Variants in CA13 observed in about 807,000 individuals in gnomAD.
CA13 encodes CA-XIII.
Under a neutral mutation model 31.5 loss-of-function variants are expected in CA13, and 21 were observed. The ratio of observed to expected loss-of-function variants is 0.67; its 90% CI spans 0.47 to 0.96. CA13 has a LOEUF of 0.96. Among genes scored for constraint, CA13 ranks in the 40% least tolerant of loss-of-function variants. The pLI is 0.00. For missense variants in CA13, 315 were observed against 318.9 expected (o/e 0.99, Z 0.09); for synonymous variants, 117 against 111.4 (o/e 1.05, Z -0.32).
intron 2 of CA13, among the ~76,000 whole-genome samples, chr8:85,257,775 C>T (rs1394185404): frequency 3.4e-5 from 5 of 148,766 alleles, no homozygotes; most frequent in Non-Finnish European, 7.4e-5. Flanking sequence ...CAAGTGAGCA[C>T]TTTTGGCTAA....
chr8:85,269,871 G>C (rs1437790989), intron 6 of CA13, among the ~76,000 whole-genome samples: 1 of 152,054 alleles, frequency 6.6e-6, no homozygotes, highest in Non-Finnish European at 1.5e-5. Flanking sequence ...ACCATGCCTG[G>C]CTTATTTTTT....
chr8:85,279,472 C>A lies in CA13; in HGVS notation c.670-1758C>A, dbSNP rs142612496. ...TAAGGGGAAGGGGTTTGGCGAGATA[C>A]CAGGACAGGTCTAGGGACTCTTACC... On this transcript the variant is annotated intron_variant, in intron 6 of 6. Transcript: ENST00000321764. Among the ~76,000 whole-genome samples the A allele has an allele frequency of 1.7e-4, 26 of 152,230 alleles. No individual in the cohort carries two copies. In the East Asian group the frequency reaches 3.9e-3, roughly 23 times the overall value.
At chr8:85,278,464 G>T (rs900160827) in intron 6 of CA13, among the ~76,000 whole-genome samples, 2 of 152,154 alleles carry the variant, frequency 1.3e-5, no homozygotes, top group Non-Finnish European at 2.9e-5. Context: ...ATCTAGGAAG[G>T]TTAGTTAGAA....
At chr8:85,255,814 G>C (rs1373933979) in intron 2 of CA13, among the ~76,000 whole-genome samples, 2 of 152,148 alleles carry the variant, frequency 1.3e-5, no homozygotes, top group Non-Finnish European at 1.5e-5. Context: ...TCGCTGCTTT[G>C]GGAACCTCAC....
rs140245677 is a variant in CA13, at chr8:85,280,423, G to C, written c.670-807G>C. ...AAGGACCTCTCTCTCCTCTGCCCCC[G>C]TCCTGGTTAGTACTGTACAAGAAAC... On this transcript the variant is annotated intron_variant, in intron 6 of 6. Coordinates refer to ENST00000321764, the MANE Select transcript of CA13 (RefSeq NM_198584.3). Among the ~76,000 whole-genome samples, 69 of 152,212 alleles carry C rather than the reference G, an allele frequency of 4.5e-4. No individual in the cohort carries two copies. The Middle Eastern group carries it at 0.014, about 30-fold the overall frequency.
At chr8:85,260,716 A>G (rs1344479346) in intron 3 of CA13, among the ~76,000 whole-genome samples, 1 of 152,202 alleles carries the variant, frequency 6.6e-6, no homozygotes, top group African/African-American at 2.4e-5. Flanking sequence ...AGAAAGTGGG[A>G]CTGCTGAATT....
At chr8:85,259,115 A>G (rs1407677630) in intron 2 of CA13, among the ~76,000 whole-genome samples, 1 of 152,142 alleles carries the variant, frequency 6.6e-6, no homozygotes, top group Non-Finnish European at 1.5e-5. Flanking sequence ...TCCTCAGGTA[A>G]ACACAACCAT....
rs777443976 is a variant in CA13 at position 85,267,966 on chromosome 8, T to G, written c.513+2T>G. On this transcript the variant is annotated splice_donor_variant, in intron 5 of 6. Coordinates refer to ENST00000321764, the MANE Select transcript of CA13 (RefSeq NM_198584.3). LOFTEE classifies it high-confidence loss of function. ...ACTTTGGATTCCATTAAAGAAAAGG[T>G]AAAATGAATTACTGTTAATAATTAA... The G allele has an allele frequency of 6.5e-7, 1 of 1,526,872 alleles. No individual in the cohort carries two copies. The highest frequency in any genetic ancestry group is 9.0e-7 in the Non-Finnish European group (1 of 1,105,160). The allele number at this position is 1,526,872 out of a possible 1,614,324, so 94.6% of individuals were successfully genotyped here.
chr8:85,275,961 G>A (rs973801795), intron 6 of CA13, among the ~76,000 whole-genome samples: 1 of 152,342 alleles, frequency 6.6e-6, no homozygotes, highest in Admixed American at 6.5e-5. Flanking sequence ...CCACTTTGGC[G>A]GCACTTGAGG....
At position 85,257,176 on chromosome 8, in the gene CA13, G is replaced by A. The variant is rs1398621400; in HGVS notation, c.236-2245G>A. On this transcript the variant is annotated intron_variant, in intron 2 of 6. Transcript: ENST00000321764. ...GCATCCCTACAAACTAAAGTTTGTG[G>A]AAGAGTGCTTTAACAGGTGAGGTCT... Among the ~76,000 whole-genome samples, 4 of 152,184 alleles carry A rather than the reference G, an allele frequency of 2.6e-5. No individual in the cohort carries two copies. In the East Asian group the frequency reaches 7.7e-4, roughly 29 times the overall value.
At chr8:85,261,160 A>G (rs558769244) in intron 3 of CA13, among the ~76,000 whole-genome samples, 1 of 152,298 alleles carries the variant, frequency 6.6e-6, no homozygotes, top group South Asian at 2.1e-4. Context: ...GAAAGGACCA[A>G]AACCTTTGGT....
chr8:85,269,438 C>CA (rs1216143850), intron 6 of CA13, among the ~76,000 whole-genome samples: 1 of 151,546 alleles, frequency 6.6e-6, no homozygotes, highest in Non-Finnish European at 1.5e-5. Flanking sequence ...GACTTTGTCT[C>CA]AAAAAAAATT....
intron 2 of CA13, 64 bp downstream of exon 2, chr8:85,251,001 C>CA: frequency 1.3e-6 from 1 of 771,824 alleles, no homozygotes; most frequent in Non-Finnish European, 2.0e-6. Context: ...AGACTATACT[C>CA]TTTTTTTTTT....
Position 85,269,579 on chromosome 8 carries a change from A to G in CA13, c.669+952A>G, listed in dbSNP as rs974136834. Among the ~76,000 whole-genome samples, 5 of 152,204 alleles carry G rather than the reference A, an allele frequency of 3.3e-5. No homozygotes were observed. In the South Asian group the frequency reaches 6.2e-4, roughly 19 times the overall value. On this transcript the variant is annotated intron_variant, in intron 6 of 6. Transcript: ENST00000321764. ...GATCTTTTGGCATTTGTTGACAAAAACTTTTGTTGGGCTGTCTGAGGGGCT... is the reference window on the plus strand; with the variant it reads ...GATCTTTTGGCATTTGTTGACAAAAGCTTTTGTTGGGCTGTCTGAGGGGCT...
At chr8:85,255,023 T>C (rs969690929) in intron 2 of CA13, among the ~76,000 whole-genome samples, 1 of 152,112 alleles carries the variant, frequency 6.6e-6, no homozygotes, top group African/African-American at 2.4e-5. Context: ...GTTAAACCTT[T>C]AGAGAACTAC....
chr8:85,268,758 C>T (rs969751991), intron 6 of CA13, 131 bp downstream of exon 6: 8 of 752,334 alleles, frequency 1.1e-5, no homozygotes, highest in South Asian at 2.1e-5. Flanking sequence ...TCAGACGGGT[C>T]GTTGGGCTAG....
chr8:85,281,461 A>G lies in CA13; in HGVS notation c.*112A>G, dbSNP rs768608201. The G allele has an allele frequency of 1.6e-5, 23 of 1,479,480 alleles. No individual in the cohort carries two copies. Among genetic ancestry groups the G allele is most frequent in the Non-Finnish European group, 2.1e-5 (23 of 1,110,318 alleles). The allele number at this position is 1,479,480 out of a possible 1,614,324, so 91.6% of individuals were successfully genotyped here. On this transcript the variant is annotated 3_prime_UTR_variant, in exon 7 of 7. Coordinates refer to ENST00000321764, the MANE Select transcript of CA13 (RefSeq NM_198584.3). ...TTTGTGGAATTCTAATTTATAGGAA[A>G]CATTTTAGTATGAGCTTCAGTGTCA...
intron 6 of CA13, 118 bp downstream of exon 6, chr8:85,268,745 T>C: frequency 1.2e-6 from 1 of 864,826 alleles, no homozygotes. Context: ...TTCTCTTTAT[T>C]CATCAGACGG....
At chr8:85,274,239 C>T (rs545962572) in intron 6 of CA13, among the ~76,000 whole-genome samples, 22 of 152,096 alleles carry the variant, frequency 1.4e-4, no homozygotes, top group Non-Finnish European at 2.8e-4. Flanking sequence ...ATAGGGGTGG[C>T]GTGAGCACCT....
Sources: gnomAD v4.1 joint callset for allele counts (sites outside exome capture counted in the v4.1 genomes callset) on GRCh38, gnomAD v4.1.1 for gene constraint, MANE v1.5 for transcripts, NCBI Gene and HGNC (gene_info 2026-07-23, HGNC 2026-07-21) for gene names.